MN1: variants seen among roughly 807,000 people sequenced by gnomAD.
MN1 encodes MN1 proto-oncogene, transcriptional regulator, also known as transcriptional activator MN1.
MN1 carries 19 observed loss-of-function variants against 86.9 expected under a neutral mutation model. The ratio of observed to expected loss-of-function variants is 0.22; its 90% CI spans 0.15 to 0.32. MN1 has a LOEUF of 0.32. Ranked by LOEUF, MN1 falls within the 10% of genes least tolerant of loss-of-function variation. MN1 has a pLI of 1.00. For missense variants in MN1, 1,841 were observed against 1,862.0 expected, an observed-to-expected ratio of 0.99 and a Z score of 0.21; for synonymous variants, 928 against 849.6, an observed-to-expected ratio of 1.09 and a Z score of -1.60.
chr22:27,763,167 C>T (rs960585328), intron 1 of MN1, among the ~76,000 whole-genome samples: 1 of 152,166 alleles, frequency 6.6e-6, no homozygotes, highest in Non-Finnish European at 1.5e-5. Context: ...TCATTGCTTC[C>T]AGCCCATTGG....
At chr22:27,753,686 G>A (rs1437098390) in intron 1 of MN1, among the ~76,000 whole-genome samples, 1 of 152,190 alleles carries the variant, frequency 6.6e-6, no homozygotes, top group African/African-American at 2.4e-5. Flanking sequence ...TCTGGATGTT[G>A]TTAATACCCC....
intron 1 of MN1, among the ~76,000 whole-genome samples, chr22:27,754,156 C>A (rs1932787240): frequency 6.6e-6 from 1 of 152,210 alleles, no homozygotes; most frequent in South Asian, 2.1e-4. Context: ...CTGAGCAACA[C>A]ACCGGGCAGA....
At chr22:27,761,962 G>A (rs1361985747) in intron 1 of MN1, among the ~76,000 whole-genome samples, 2 of 152,218 alleles carry the variant, frequency 1.3e-5, no homozygotes, top group Non-Finnish European at 2.9e-5. Flanking sequence ...GAATGCGGGG[G>A]GAGGCTGAGT....
chr22:27,770,347 A>G (rs916682881), intron 1 of MN1, among the ~76,000 whole-genome samples: 1 of 152,226 alleles, frequency 6.6e-6, no homozygotes, highest in Admixed American at 6.5e-5. Context: ...AGGTTGAAAC[A>G]CTGAGGCTCA....
At chr22:27,772,568 C>G (rs1313444831) in intron 1 of MN1, among the ~76,000 whole-genome samples, 1 of 152,098 alleles carries the variant, frequency 6.6e-6, no homozygotes, top group Non-Finnish European at 1.5e-5. Context: ...ATCACTTAAC[C>G]AACCCCAAGA....
rs5762343 is a variant in MN1, at chr22:27,756,427, G to A, written c.3782-5331C>T. Among the ~76,000 whole-genome samples the A allele has an allele frequency of 5.3e-5, 8 of 152,222 alleles. No individual in the cohort carries two copies. The East Asian group carries it at 7.8e-4, about 15-fold the overall frequency. On this transcript the variant is annotated intron_variant, in intron 1 of 1. Coordinates refer to ENST00000302326, the MANE Select transcript of MN1 (RefSeq NM_002430.3). ...CCCACGCCAGGCAAAGGGCTGCCTC[G>A]GTGGTTCTCCCAGCCACGGTTCCAC...
At position 27,798,046 on chromosome 22, in the gene MN1, T is replaced by C. The variant is rs1372550171; in HGVS notation, c.2498A>G (p.Gln833Arg). Reference sequence around the variant, plus strand: ...GGCCCCGAGGCTGGCGATCATGTTCTGGCAAGCGGTGGAGAGCGCAGCCAG... The same window carrying C: ...GGCCCCGAGGCTGGCGATCATGTTCCGGCAAGCGGTGGAGAGCGCAGCCAG... ...SCLAALSTAC[Q>R]NMIASLGAPN... Residue 833 changes from glutamine to arginine, a missense_variant, in exon 1 of 2, where the codon CAG (glutamine) becomes CGG (arginine). Coordinates refer to ENST00000302326, the MANE Select transcript of MN1 (RefSeq NM_002430.3). The C allele has an allele frequency of 1.2e-6, 2 of 1,610,314 alleles. No homozygotes were observed. The highest frequency in any genetic ancestry group is 1.7e-6 in the Non-Finnish European group (2 of 1,179,440).
At chr22:27,790,166 A>G (rs1299411171) in intron 1 of MN1, among the ~76,000 whole-genome samples, 2 of 152,260 alleles carry the variant, frequency 1.3e-5, no homozygotes, top group Non-Finnish European at 2.9e-5. Flanking sequence ...TCAGCATCCT[A>G]TAATAATTAC....
rs370442114 is a variant in MN1 at position 27,797,601 on chromosome 22, C to T, written c.2943G>A (p.Ala981=). The stretch of plus-strand genomic sequence containing the variant: ...AGCTTCCCCCGACGGCTGCGCCTGA[C>T]GCTTGCTGCTGCCCTGGGCTCACCC... ...APGVSPGQQQ[A]SGAAVGGSSA... is the part of the protein sequence containing the mutation. The change falls in exon 1 of 2, where the codon GCG becomes GCA. Residue 981 remains alanine (A), a synonymous_variant. Coordinates refer to ENST00000302326, the MANE Select transcript of MN1 (RefSeq NM_002430.3). 2.3e-5 allele frequency: 37 copies of T among 1,594,404 alleles called. No individual in the cohort carries two copies. In the African/African-American group the frequency reaches 2.7e-4, roughly 12 times the overall value.
At chr22:27,796,715 A>G (rs571520394) in intron 1 of MN1, 48 bp downstream of exon 1, 1 of 1,525,990 alleles carries the variant, frequency 6.6e-7, no homozygotes, top group African/African-American at 1.4e-5. Flanking sequence ...TGCCCTGGGG[A>G]TGGGGCGGGT....
At position 27,799,035 on chromosome 22, in the gene MN1, G is replaced by C. The variant is rs1933375815; in HGVS notation, c.1509C>G (p.Pro503=). ...GGGGCGGCCCCGAAGGGAAGCTGTC[G>C]GGCACAGGCGGTGTGAACTCGCCGG... ...GLPGEFTPPV[P]DSFPSGPPLQ... is the part of the protein sequence containing the mutation. Residue 503 remains proline (P), a synonymous_variant, in exon 1 of 2, where the codon CCC becomes CCG. Transcript: ENST00000302326. 1 of 1,611,786 alleles carries C rather than the reference G, an allele frequency of 6.2e-7. No homozygotes were observed. Among genetic ancestry groups the C allele is most frequent in the Non-Finnish European group, 8.5e-7 (1 of 1,179,218 alleles).
chr22:27,789,292 G>C (rs1323698406), intron 1 of MN1, among the ~76,000 whole-genome samples: 1 of 152,074 alleles, frequency 6.6e-6, no homozygotes, highest in African/African-American at 2.4e-5. Context: ...CTCCGCCAAG[G>C]GGTCTCCCTG....
chr22:27,783,497 A>G (rs1568978182), intron 1 of MN1, among the ~76,000 whole-genome samples: 1 of 152,174 alleles, frequency 6.6e-6, no homozygotes, highest in Non-Finnish European at 1.5e-5. Context: ...GGTCTGCACG[A>G]GGCTTAGCCA....
chr22:27,799,344 C>A lies in MN1; in HGVS notation c.1200G>T (p.Leu400=). The change falls in exon 1 of 2, where the codon CTG becomes CTT. Residue 400 remains leucine, a synonymous_variant. Coordinates refer to ENST00000302326, the MANE Select transcript of MN1 (RefSeq NM_002430.3). ...SGGLQDGGPM[L]PSQHAQFEYP... The stretch of plus-strand genomic sequence containing the variant: ...ACTCGAATTGCGCGTGCTGGCTGGG[C>A]AGCATGGGGCCTCCGTCCTGCAGGC... 1 of 1,587,544 alleles carries A rather than the reference C, an allele frequency of 6.3e-7. No homozygotes were observed. The highest frequency in any genetic ancestry group is 8.6e-7 in the Non-Finnish European group (1 of 1,168,846).
chr22:27,797,294 G>T lies in MN1; in HGVS notation c.3250C>A (p.Leu1084Ile), dbSNP rs1933315967. The change falls in exon 1 of 2, where the codon CTC (leucine) becomes ATC (isoleucine). Residue 1084 changes from leucine to isoleucine, a missense_variant. Leu to Ile is a conservative substitution (Grantham distance 5). Transcript: ENST00000302326. The part of the protein sequence containing the change: ...RSPLVTGSPK[L>I]PPRGVGAGEH... ...CCGGCGCCTACCCCACGGGGAGGGA[G>T]TTTGGGCGAGCCGGTCACCAGGGGA... 1.3e-6 allele frequency: 2 copies of T among 1,598,018 alleles called. No homozygotes were observed. The highest frequency in any genetic ancestry group is 2.2e-5 in the South Asian group (2 of 90,640).
At chr22:27,794,699 T>C (rs1020475344) in intron 1 of MN1, among the ~76,000 whole-genome samples, 1 of 152,202 alleles carries the variant, frequency 6.6e-6, no homozygotes, top group Admixed American at 6.5e-5. Context: ...AGACAACTTC[T>C]AAAAATCTCA....
intron 1 of MN1, among the ~76,000 whole-genome samples, chr22:27,752,934 G>A (rs45608835): frequency 1.6e-4 from 24 of 152,288 alleles, no homozygotes; most frequent in African/African-American, 3.9e-4. Flanking sequence ...TCACCGGCCC[G>A]CCCTGCCCTC....
Position 27,801,438 on chromosome 22 carries a change from C to T in MN1, c.-895G>A. The T allele has an allele frequency of 4.8e-6, 1 of 207,242 alleles. No individual in the cohort carries two copies. Among genetic ancestry groups the T allele is most frequent in the Non-Finnish European group, 9.9e-6 (1 of 101,226 alleles). 12.8% of individuals were successfully genotyped at this position (207,242 alleles called of 1,614,324 possible). A position where few individuals can be genotyped will look rare whatever the true frequency, so the allele number is the denominator to read the frequency against. ...GAGTCTCCGCGCACCGTTGCAGGCG[C>T]GGGAGGGCAGCGAGACGAGGGGTTG... is the stretch of plus-strand genomic sequence containing the variant. On this transcript the variant is annotated 5_prime_UTR_variant, in exon 1 of 2. Transcript: ENST00000302326.
rs1933425622 is a variant in MN1 at position 27,800,899 on chromosome 22, A to C, written c.-356T>G. On this transcript the variant is annotated 5_prime_UTR_variant, in exon 1 of 2. Transcript: ENST00000302326. ...GGAGACAAAAAGTTAAGTGGGGGGA[A>C]TGGGGAGGGAAGGGGGTTGGGAGAG... 95 of 330,448 alleles carry C rather than the reference A, an allele frequency of 2.9e-4. No homozygotes were observed. Among genetic ancestry groups the C allele is most frequent in the Middle Eastern group, 1.9e-3 (2 of 1,040 alleles). The allele number at this position is 330,448 out of a possible 1,614,324, so 20.5% of individuals were successfully genotyped here.
Sources: allele counts gnomAD v4.1 joint callset (sites outside exome capture counted in the v4.1 genomes callset), GRCh38; gene constraint gnomAD v4.1.1; transcripts MANE v1.5; gene names NCBI Gene and HGNC (gene_info 2026-07-23, HGNC 2026-07-21).